The following SHANK2 variants were observed in gnomAD, a reference collection of about 807,000 sequenced individuals.
SHANK2 encodes the protein SH3 and multiple ankyrin repeat domains 2, also known as SH3 and multiple ankyrin repeat domains protein 2.
SHANK2 carries 43 observed loss-of-function variants against 133.7 expected under a neutral mutation model. That is an observed-to-expected ratio of 0.32 (90% CI 0.25 to 0.41). SHANK2 has a LOEUF of 0.41. Ranked by LOEUF, SHANK2 falls within the 10% of genes least tolerant of loss-of-function variation. The pLI is 1.00. For missense variants in SHANK2, 1,994 were observed against 2,235.8 expected (o/e 0.89, Z 2.18); for synonymous variants, 1,017 against 952.8 (o/e 1.07, Z -1.24).
intron 10 of SHANK2, chr11:70,952,723 T>C (rs782108236): frequency 4.8e-6 from 2 of 418,028 alleles, no homozygotes; most frequent in Middle Eastern, 3.6e-4. Context: ...GGGACGCAGA[T>C]GGCAGGGCGG....
At chr11:70,665,297 T>C (rs1332272473) in intron 15 of SHANK2, among the ~76,000 whole-genome samples, 1 of 152,120 alleles carries the variant, frequency 6.6e-6, no homozygotes, top group African/African-American at 2.4e-5. Flanking sequence ...CACACCACCA[T>C]GCCCAGCTAA....
chr11:70,565,063 T>C (rs577576824), intron 17 of SHANK2, among the ~76,000 whole-genome samples: 107 of 152,364 alleles, frequency 7.0e-4, no homozygotes, highest in Non-Finnish European at 1.2e-3. Context: ...TTTCTCTTCC[T>C]TACGGGCTGT....
intron 11 of SHANK2, among the ~76,000 whole-genome samples, chr11:70,880,785 G>A (rs993135600): frequency 6.6e-6 from 1 of 152,222 alleles, no homozygotes; most frequent in African/African-American, 2.4e-5. Flanking sequence ...GAGGACTGAA[G>A]GGGCTAGGGT....
chr11:70,712,076 T>C (rs113993150), intron 14 of SHANK2, among the ~76,000 whole-genome samples: 82 of 152,056 alleles, frequency 5.4e-4, no homozygotes, highest in Admixed American at 2.2e-3. Flanking sequence ...GCTTCCTTCC[T>C]GCTGGAGGCT....
intron 9 of SHANK2, among the ~76,000 whole-genome samples, chr11:71,064,577 C>T (rs1951024458): frequency 6.6e-6 from 1 of 151,650 alleles, no homozygotes; most frequent in Non-Finnish European, 1.5e-5. Context: ...TGAGGGAAGA[C>T]AGACTGGAAG....
chr11:71,233,583 A>C (rs1954780095), intron 1 of SHANK2, among the ~76,000 whole-genome samples: 1 of 152,198 alleles, frequency 6.6e-6, no homozygotes. Flanking sequence ...TTTACTAAAA[A>C]ACACGGCACT....
chr11:70,723,608 A>G (rs1442700596), intron 14 of SHANK2, among the ~76,000 whole-genome samples: 3 of 152,104 alleles, frequency 2.0e-5, no homozygotes, highest in Non-Finnish European at 2.9e-5. Context: ...ACCCAAAGAC[A>G]CCATGAGAGA....
At chr11:71,109,828 AC>A in intron 6 of SHANK2, 112 bp downstream of exon 6, 1 of 738,868 alleles carries the variant, frequency 1.4e-6, no homozygotes, top group Middle Eastern at 3.5e-4. Context: ...TAAACACCAA[AC>A]AAAACCAAGT....
intron 11 of SHANK2, among the ~76,000 whole-genome samples, chr11:70,834,106 C>T (rs1948769984): frequency 1.3e-5 from 2 of 152,230 alleles, no homozygotes; most frequent in Non-Finnish European, 2.9e-5. Context: ...CAAGAAAATT[C>T]CCAGGGTTCT....
At chr11:70,637,817 G>A (rs1352048857) in intron 17 of SHANK2, among the ~76,000 whole-genome samples, 6 of 152,220 alleles carry the variant, frequency 3.9e-5, no homozygotes, top group African/African-American at 1.4e-4. Context: ...ATCCCAAGGA[G>A]CCTTGGTATC....
intron 14 of SHANK2, among the ~76,000 whole-genome samples, chr11:70,773,745 G>C (rs1364895911): frequency 1.3e-5 from 2 of 152,292 alleles, no homozygotes; most frequent in African/African-American, 4.8e-5. Context: ...TTAGTTATTA[G>C]GGGAATGCAA....
intron 2 of SHANK2, among the ~76,000 whole-genome samples, chr11:71,220,939 G>A (rs935391227): frequency 5.3e-5 from 8 of 152,052 alleles, no homozygotes; most frequent in East Asian, 1.9e-4. Flanking sequence ...GGTGGCTCAC[G>A]CCTATAATCC....
intron 14 of SHANK2, among the ~76,000 whole-genome samples, chr11:70,765,503 G>A (rs1947099724): frequency 6.6e-6 from 1 of 152,154 alleles, no homozygotes; most frequent in Non-Finnish European, 1.5e-5. Context: ...GGCTCCCTAA[G>A]CACCTGGATC....
chr11:71,119,779 T>A (rs1952050113), intron 3 of SHANK2, among the ~76,000 whole-genome samples: 1 of 152,032 alleles, frequency 6.6e-6, no homozygotes, highest in African/African-American at 2.4e-5. Flanking sequence ...AGAACCTACA[T>A]CTCAGACAAA....
chr11:70,675,816 G>GGTGAGCA (rs1555017090), intron 15 of SHANK2, among the ~76,000 whole-genome samples: 1 of 152,148 alleles, frequency 6.6e-6, no homozygotes, highest in East Asian at 1.9e-4. Flanking sequence ...GACACGGTGG[G>GGTGAGCA]GTGAGCAAGG....
At chr11:71,217,498 C>T (rs978981633) in intron 2 of SHANK2, among the ~76,000 whole-genome samples, 3 of 151,260 alleles carry the variant, frequency 2.0e-5, no homozygotes, top group African/African-American at 4.9e-5. Context: ...AGCAAGACTC[C>T]GTCTCAAAAA....
At chr11:71,098,933 C>T (rs533388035) in intron 6 of SHANK2, among the ~76,000 whole-genome samples, 5 of 152,234 alleles carry the variant, frequency 3.3e-5, no homozygotes, top group Admixed American at 6.5e-5. Context: ...GTGGGGAAAC[C>T]TGATGGACAC....
In SHANK2 at chr11:71,123,082, C is replaced by T. The variant is rs558986556; in HGVS notation, c.208-4050G>A. Among the ~76,000 whole-genome samples the T allele has an allele frequency of 2.6e-5, 4 of 152,254 alleles. No homozygotes were observed. In the East Asian group the frequency reaches 7.7e-4, roughly 29 times the overall value. ...CCCTCCCTCCATACGTGATGGGAGC[C>T]ACCCACGTGTTCACACCAGCTCCCG... On this transcript the variant is annotated intron_variant, in intron 3 of 25. Transcript: ENST00000601538.
At chr11:70,697,893 T>A (rs527498623) in intron 15 of SHANK2, among the ~76,000 whole-genome samples, 1 of 152,244 alleles carries the variant, frequency 6.6e-6, no homozygotes, top group Admixed American at 6.5e-5. Flanking sequence ...CACCTCCTTC[T>A]CTTTTCTACC....
Sources: gnomAD v4.1 joint callset for allele counts (sites outside exome capture counted in the v4.1 genomes callset) on GRCh38, gnomAD v4.1.1 for gene constraint, MANE v1.5 for transcripts, NCBI Gene and HGNC (gene_info 2026-07-23, HGNC 2026-07-21) for gene names.